SLC35A1: variants seen among roughly 807,000 people sequenced by gnomAD.
SLC35A1 encodes the protein solute carrier family 35 member A1.
In SLC35A1, 21 loss-of-function variants were observed where a neutral mutation model predicts 40.3. The observed-to-expected ratio is 0.52, with a 90% CI of 0.37 to 0.75. The LOEUF (loss-of-function observed/expected upper bound fraction) is 0.75, where lower values mean the gene tolerates loss of function less well. Among genes scored for constraint, SLC35A1 ranks in the 30% least tolerant of loss-of-function variants. The pLI, the probability that SLC35A1 is intolerant of heterozygous loss-of-function variation, is 0.00. For synonymous variants in SLC35A1, 146 were observed against 147.3 expected, an observed-to-expected ratio of 0.99 and a Z score of 0.06; for missense variants, 297 against 382.1, an observed-to-expected ratio of 0.78 and a Z score of 1.86.
At chr6:87,478,767 A>C (rs1019717271) in intron 2 of SLC35A1, among the ~76,000 whole-genome samples, 2 of 152,244 alleles carry the variant, frequency 1.3e-5, no homozygotes, top group Non-Finnish European at 2.9e-5. Context: ...GCCACACACA[A>C]AAAAACAGCA....
intron 2 of SLC35A1, among the ~76,000 whole-genome samples, chr6:87,479,374 A>T (rs1279022526): frequency 6.6e-6 from 1 of 152,198 alleles, no homozygotes; most frequent in African/African-American, 2.4e-5. Context: ...GATGCATGGT[A>T]TGACACAGCA....
Position 87,511,640 on chromosome 6 carries a change from C to A in SLC35A1, c.*114C>A. 2.6e-6 allele frequency: 3 copies of A among 1,156,770 alleles called. No individual in the cohort carries two copies. Among genetic ancestry groups the A allele is most frequent in the Non-Finnish European group, 3.9e-6 (3 of 766,810 alleles). 71.7% of individuals were successfully genotyped at this position (1,156,770 alleles called of 1,614,324 possible). ...ATAAAAATTAACTGTATGGCATGATCAGTGCGGTTATGTGGAAACAACAAC... is the reference window on the plus strand; with the variant it reads ...ATAAAAATTAACTGTATGGCATGATAAGTGCGGTTATGTGGAAACAACAAC... On this transcript the variant is annotated 3_prime_UTR_variant, in exon 8 of 8. Transcript: ENST00000369552.
chr6:87,474,223 C>T (rs1486286296), intron 1 of SLC35A1, among the ~76,000 whole-genome samples: 2 of 152,218 alleles, frequency 1.3e-5, no homozygotes, highest in East Asian at 1.9e-4. Flanking sequence ...ATTGCCAATA[C>T]ATATTTGTTG....
In SLC35A1 at chr6:87,479,021, G is replaced by A. The variant is rs183590492; in HGVS notation, c.194+1482G>A. ...AGAGTGATGGGATGAGTGGTTTGGC[G>A]GGAAAAATGGTTATGGCAGAGCAGG... On this transcript the variant is annotated intron_variant, in intron 2 of 7. Coordinates refer to ENST00000369552, the MANE Select transcript of SLC35A1 (RefSeq NM_006416.5). 2.4e-3 allele frequency among the ~76,000 whole-genome samples: 371 copies of A among 152,272 alleles called. 2 individuals are homozygous for A. Among genetic ancestry groups the A allele is most frequent in the Non-Finnish European group, 4.2e-3 (285 of 68,034 alleles).
At position 87,501,224 on chromosome 6, in the gene SLC35A1, A is replaced by G; in HGVS notation, c.421A>G (p.Ser141Gly). The stretch of plus-strand genomic sequence containing the variant: ...TGTTTTAATGTTAAACCGGACACTC[A>G]GCAAATTACAGTGGGTTTCAGTTTT... ...CTVLMLNRTL[S>G]KLQWVSVFML... Residue 141 changes from serine to glycine, a missense_variant, in exon 4 of 8, where the codon AGC becomes GGC. Ser to Gly is a moderately conservative substitution (Grantham distance 56). Coordinates refer to ENST00000369552, the MANE Select transcript of SLC35A1 (RefSeq NM_006416.5). 1 of 1,614,100 alleles carries G rather than the reference A, an allele frequency of 6.2e-7. No individual in the cohort carries two copies. The highest frequency in any genetic ancestry group is 8.5e-7 in the Non-Finnish European group (1 of 1,179,982).
At chr6:87,500,054 A>G (rs920632685) in intron 2 of SLC35A1, among the ~76,000 whole-genome samples, 2 of 152,188 alleles carry the variant, frequency 1.3e-5, no homozygotes, top group African/African-American at 4.8e-5. Context: ...GTGAGCTGAG[A>G]TAGCGCCACT....
At chr6:87,477,599 A>G in intron 2 of SLC35A1, 60 bp downstream of exon 2, 1 of 1,356,704 alleles carries the variant, frequency 7.4e-7, no homozygotes, top group Non-Finnish European at 1.1e-6. Flanking sequence ...GGTATTTGTT[A>G]GAAAATTCAA....
intron 2 of SLC35A1, 69 bp from the exon 3 acceptor site, chr6:87,500,439 T>C: frequency 6.7e-7 from 1 of 1,484,752 alleles, no homozygotes; most frequent in Admixed American, 1.7e-5. Flanking sequence ...TTTGAAGAAG[T>C]CTTATTAAAA....
At chr6:87,477,643 A>G in intron 2 of SLC35A1, 104 bp downstream of exon 2, 2 of 1,008,182 alleles carry the variant, frequency 2.0e-6, no homozygotes, top group Non-Finnish European at 1.5e-6. Flanking sequence ...GCTCTGGGTC[A>G]GTGTTTCTCA....
Position 87,511,688 on chromosome 6 carries a change from G to T in SLC35A1, c.*162G>T, listed in dbSNP as rs1770280825. The T allele has an allele frequency of 2.6e-6, 2 of 763,476 alleles. No homozygotes were observed. The highest frequency in any genetic ancestry group is 3.5e-5 in the African/African-American group (2 of 57,870). The allele number at this position is 763,476 out of a possible 1,614,324, so 47.3% of individuals were successfully genotyped here. ...AACAAACAAACGAAGCTATCTGAGT[G>T]AACTGCTAATACAGAAACTTAATGT... On this transcript the variant is annotated 3_prime_UTR_variant, in exon 8 of 8. Coordinates refer to ENST00000369552, the MANE Select transcript of SLC35A1 (RefSeq NM_006416.5).
intron 2 of SLC35A1, among the ~76,000 whole-genome samples, chr6:87,494,546 GC>G (rs1769660182): frequency 6.6e-6 from 1 of 150,672 alleles, no homozygotes; most frequent in African/African-American, 2.4e-5. Context: ...CCTCAGCCTC[GC>G]GAGGAGCTGG....
chr6:87,510,171 G>A (rs565252848), intron 7 of SLC35A1, among the ~76,000 whole-genome samples: 5 of 152,286 alleles, frequency 3.3e-5, no homozygotes, highest in African/African-American at 1.2e-4. Flanking sequence ...TTCAGGTGAA[G>A]TGCTTAGAGT....
intron 2 of SLC35A1, among the ~76,000 whole-genome samples, chr6:87,483,209 C>G (rs1451171431): frequency 6.6e-6 from 1 of 151,958 alleles, no homozygotes. Flanking sequence ...GTCTCTTTCT[C>G]TTTCTCTCTC....
At chr6:87,504,358 A>G (rs535275412) in intron 4 of SLC35A1, among the ~76,000 whole-genome samples, 8 of 151,306 alleles carry the variant, frequency 5.3e-5, no homozygotes, top group African/African-American at 1.5e-4. Flanking sequence ...TCTTGATACT[A>G]TTCTTAAATT....
chr6:87,487,546 T>C (rs750504947), intron 2 of SLC35A1, among the ~76,000 whole-genome samples: 4 of 152,222 alleles, frequency 2.6e-5, no homozygotes, highest in Non-Finnish European at 5.9e-5. Flanking sequence ...TTAATTAGCA[T>C]TGAACTCATG....
intron 2 of SLC35A1, among the ~76,000 whole-genome samples, chr6:87,482,788 C>G (rs546770771): frequency 6.6e-6 from 1 of 152,118 alleles, no homozygotes; most frequent in South Asian, 2.1e-4. Flanking sequence ...ACAGAATAGC[C>G]CCATACTTTA....
intron 2 of SLC35A1, among the ~76,000 whole-genome samples, chr6:87,491,623 C>A (rs1398982528): frequency 1.3e-5 from 2 of 152,186 alleles, no homozygotes. Flanking sequence ...GTGTCTTCTT[C>A]ATTCAGGTGG....
Position 87,477,000 on chromosome 6 carries a change from C to T in SLC35A1, c.17-362C>T, listed in dbSNP as rs188869111. On this transcript the variant is annotated intron_variant, in intron 1 of 7. Transcript: ENST00000369552. ...CGCCACTGTATTCCAACCTGGGGGACAGAGTGAGACCTTGTCTCCAAAAAA... is the reference window on the plus strand; with the variant it reads ...CGCCACTGTATTCCAACCTGGGGGATAGAGTGAGACCTTGTCTCCAAAAAA... Among the ~76,000 whole-genome samples, 29 of 152,188 alleles carry T rather than the reference C, an allele frequency of 1.9e-4. 1 individual carries two copies. The highest frequency in any genetic ancestry group is 3.5e-4 in the Non-Finnish European group (24 of 68,018).
Position 87,477,431 on chromosome 6 carries a change from T to C in SLC35A1, c.86T>C (p.Ile29Thr). ...ACCCTGATGGCTGCAGTCTATACCA[T>C]AGCTTTAAGATACACAAGGACATCA... ...VMTLMAAVYT[I>T]ALRYTRTSDK... Residue 29 changes from isoleucine to threonine, a missense_variant, in exon 2 of 8, where the codon ATA (isoleucine) becomes ACA (threonine). By Grantham distance (89) the Ile-to-Thr change is moderately conservative. Transcript: ENST00000369552. 1 of 1,613,770 alleles carries C rather than the reference T, an allele frequency of 6.2e-7. No individual in the cohort carries two copies. Among genetic ancestry groups the C allele is most frequent in the Non-Finnish European group, 8.5e-7 (1 of 1,179,690 alleles).
Sources: gnomAD v4.1 joint callset for allele counts (sites outside exome capture counted in the v4.1 genomes callset) on GRCh38, gnomAD v4.1.1 for gene constraint, MANE v1.5 for transcripts, NCBI Gene and HGNC (gene_info 2026-07-23, HGNC 2026-07-21) for gene names.